RAB11FIP5: variants seen among roughly 807,000 people sequenced by gnomAD.
RAB11FIP5 encodes rab11 family-interacting protein 5.
Under a neutral mutation model 85.1 loss-of-function variants are expected in RAB11FIP5, and 48 were observed. The ratio of observed to expected loss-of-function variants is 0.56; its 90% CI spans 0.45 to 0.72. RAB11FIP5 has a LOEUF of 0.72. RAB11FIP5 is among the 30% of genes least tolerant of loss of function. The pLI, the probability that RAB11FIP5 is intolerant of heterozygous loss-of-function variation, is 0.00. For missense variants in RAB11FIP5, 1,491 were observed against 1,687.0 expected, an observed-to-expected ratio of 0.88 and a Z score of 2.04; for synonymous variants, 729 against 727.3, an observed-to-expected ratio of 1.00 and a Z score of -0.04.
chr2:73,081,651 A>T lies in RAB11FIP5; in HGVS notation c.1581T>A (p.Ser527=). 1 of 1,231,884 alleles carries T rather than the reference A, an allele frequency of 8.1e-7. No individual in the cohort carries two copies. The highest frequency in any genetic ancestry group is 1.0e-6 in the Non-Finnish European group (1 of 987,704). The allele number at this position is 1,231,884 out of a possible 1,614,324, so 76.3% of individuals were successfully genotyped here. A position where few individuals can be genotyped will look rare whatever the true frequency, so the allele number is the denominator to read the frequency against. ...CAGCTGGGTCAGATTCTACCTGAGG[A>T]GACACGTCCAGGCTGTGGAGGGAGA... The part of the protein sequence containing the change: ...DPTQKPSLDV[S]PQVESDPAAL... Residue 527 remains serine, a synonymous_variant, in exon 4 of 6, where the codon TCT becomes TCA. Coordinates refer to ENST00000486777, the MANE Select transcript of RAB11FIP5 (RefSeq NM_001371272.1). This position sits in a 1 kb window ranked among gnomAD's most constrained non-coding sequence, Gnocchi z 4.2.
At chr2:73,087,920 C>T (rs1684119267) in intron 3 of RAB11FIP5, 130 bp downstream of exon 3, 3 of 905,430 alleles carry the variant, frequency 3.3e-6, no homozygotes, top group Non-Finnish European at 5.0e-6. Context: ...CCCACTAAAC[C>T]ATGCAAAGCC....
At chr2:73,076,660 T>TTAG (rs1371932041) in intron 4 of RAB11FIP5, among the ~76,000 whole-genome samples, 1 of 152,206 alleles carries the variant, frequency 6.6e-6, no homozygotes, top group Non-Finnish European at 1.5e-5. Flanking sequence ...ACTGGGACAC[T>TTAG]TGGTCAACCA....
chr2:73,109,093 C>G (rs186682591), intron 1 of RAB11FIP5, among the ~76,000 whole-genome samples: 1 of 152,198 alleles, frequency 6.6e-6, no homozygotes, highest in African/African-American at 2.4e-5. Context: ...GAAAATAAAT[C>G]GCAGAGAAGC....
chr2:73,109,074 T>C (rs1268614945), intron 1 of RAB11FIP5, among the ~76,000 whole-genome samples: 2 of 151,850 alleles, frequency 1.3e-5, no homozygotes. Flanking sequence ...ATGTTGAAGA[T>C]AAAAACCAGA....
rs865894790 is a variant in RAB11FIP5 at position 73,079,989 on chromosome 2, G to A, written c.3243C>T (p.Ser1081=). 9.7e-6 allele frequency: 12 copies of A among 1,232,102 alleles called. No homozygotes were observed. The African/African-American group carries it at 1.7e-4, about 18-fold the overall frequency. The allele number at this position is 1,232,102 out of a possible 1,614,324, so 76.3% of individuals were successfully genotyped here. ...TAGAAGATTCCCTCGACCCTGGCGG[G>A]GATGCAGATGAGAGGCTGGGAGGAT... The part of the protein sequence containing the change: ...SRDPPSLSSA[S]PPGSRESSIH... The change falls in exon 4 of 6, where the codon TCC becomes TCT. Residue 1081 remains serine (S), a synonymous_variant. Coordinates refer to ENST00000486777, the MANE Select transcript of RAB11FIP5 (RefSeq NM_001371272.1).
chr2:73,110,081 C>T (rs1290990139), intron 1 of RAB11FIP5, among the ~76,000 whole-genome samples: 1 of 152,234 alleles, frequency 6.6e-6, no homozygotes, highest in African/African-American at 2.4e-5. Context: ...TCTGTAGCCC[C>T]TTCCTAACCA....
chr2:73,110,052 G>C (rs2106127151), intron 1 of RAB11FIP5, among the ~76,000 whole-genome samples: 1 of 152,304 alleles, frequency 6.6e-6, no homozygotes, highest in East Asian at 1.9e-4. Context: ...TTTTGGGACT[G>C]GGATCTGTCC....
intron 1 of RAB11FIP5, among the ~76,000 whole-genome samples, chr2:73,091,955 C>T (rs562952694): frequency 6.0e-5 from 9 of 150,392 alleles, no homozygotes; most frequent in Non-Finnish European, 8.8e-5. Context: ...TCATAAGGCA[C>T]GGGCAGAAGT....
chr2:73,103,234 T>G (rs1174284986), intron 1 of RAB11FIP5, among the ~76,000 whole-genome samples: 1 of 152,190 alleles, frequency 6.6e-6, no homozygotes, highest in Non-Finnish European at 1.5e-5. Flanking sequence ...TCTGGCACCA[T>G]GCCTGGCACC....
At position 73,080,673 on chromosome 2, in the gene RAB11FIP5, T is replaced by C; in HGVS notation, c.2559A>G (p.Gly853=). The C allele has an allele frequency of 8.1e-7, 1 of 1,232,396 alleles. No individual in the cohort carries two copies. The highest frequency in any genetic ancestry group is 1.0e-6 in the Non-Finnish European group (1 of 988,052). 76.3% of individuals were successfully genotyped at this position (1,232,396 alleles called of 1,614,324 possible). The change falls in exon 4 of 6, where the codon GGA becomes GGG. Residue 853 remains glycine (G), a synonymous_variant. Coordinates refer to ENST00000486777, the MANE Select transcript of RAB11FIP5 (RefSeq NM_001371272.1). ...AAETASLVFR[G]ESDEPAPQVQ... is the part of the protein sequence containing the mutation. ...CCTGGGGAGCAGGCTCATCAGACTC[T>C]CCCCGAAAGACTAGTGAGGCTGTCT...
At position 73,112,472 on chromosome 2, in the gene RAB11FIP5, G is replaced by A. The variant is rs755850240; in HGVS notation, c.306C>T (p.Ser102=). ...TGAGCACCAGCTCGCAGGCGGCGGC[G>A]GAGCTCGCGGCCCAGGGCGCCGGGC... is the stretch of plus-strand genomic sequence containing the variant. ...DAGPAPWAAS[S]AAACELVLTT... The change falls in exon 1 of 6, where the codon TCC becomes TCT. Residue 102 remains serine, a synonymous_variant. Transcript: ENST00000486777. The A allele has an allele frequency of 1.4e-5, 20 of 1,476,674 alleles. No individual in the cohort carries two copies. In the Middle Eastern group the frequency reaches 7.2e-4, roughly 53 times the overall value. 91.5% of individuals were successfully genotyped at this position (1,476,674 alleles called of 1,614,324 possible).
intron 1 of RAB11FIP5, among the ~76,000 whole-genome samples, chr2:73,101,513 T>C (rs375007691): frequency 6.6e-6 from 1 of 152,128 alleles, no homozygotes; most frequent in Non-Finnish European, 1.5e-5. Flanking sequence ...CCCAAATCTG[T>C]TGGAGTGGGC....
chr2:73,089,039 G>T lies in RAB11FIP5; in HGVS notation c.708C>A (p.Leu236=). Reference sequence around the variant, plus strand: ...GGGACGACTTGCGCAGCTTGTTGCGGAGGAAGAAGCCTTTGGCTTTGCCCA... The same window carrying T: ...GGGACGACTTGCGCAGCTTGTTGCGTAGGAAGAAGCCTTTGGCTTTGCCCA... ...GKMGKAKGFF[L]RNKLRKSSLT... is the part of the protein sequence containing the mutation. The change falls in exon 2 of 6, where the codon CTC becomes CTA. Residue 236 remains leucine, a synonymous_variant. Coordinates refer to ENST00000486777, the MANE Select transcript of RAB11FIP5 (RefSeq NM_001371272.1). The surrounding 1 kb of genome is among the most constrained non-coding windows in gnomAD (Gnocchi z 4.6). The T allele has an allele frequency of 1.2e-6, 2 of 1,614,220 alleles. No homozygotes were observed. Among genetic ancestry groups the T allele is most frequent in the Non-Finnish European group, 1.7e-6 (2 of 1,180,030 alleles).
At chr2:73,109,977 A>T (rs1336448123) in intron 1 of RAB11FIP5, among the ~76,000 whole-genome samples, 1 of 152,216 alleles carries the variant, frequency 6.6e-6, no homozygotes, top group African/African-American at 2.4e-5. Context: ...GGTATAAATT[A>T]TCTCCATTTT....
chr2:73,090,186 G>A (rs868283239), intron 1 of RAB11FIP5, among the ~76,000 whole-genome samples: 23 of 152,138 alleles, frequency 1.5e-4, no homozygotes, highest in African/African-American at 4.8e-4. Flanking sequence ...GAGACTCAGA[G>A]CCAGGTGTCC....
chr2:73,106,499 T>A (rs1389053188), intron 1 of RAB11FIP5, among the ~76,000 whole-genome samples: 4 of 152,018 alleles, frequency 2.6e-5, no homozygotes, highest in Non-Finnish European at 5.9e-5. Context: ...CCCTTTGGAA[T>A]CTCTCCCCCA....
chr2:73,076,688 C>T (rs2106100275), intron 4 of RAB11FIP5, among the ~76,000 whole-genome samples: 1 of 152,312 alleles, frequency 6.6e-6, no homozygotes, highest in East Asian at 1.9e-4. Flanking sequence ...CTAGGGGTTG[C>T]TTCCCATCAG....
chr2:73,102,580 C>G (rs1359044635), intron 1 of RAB11FIP5, among the ~76,000 whole-genome samples: 1 of 152,070 alleles, frequency 6.6e-6, no homozygotes, highest in African/African-American at 2.4e-5. Flanking sequence ...CTTTTTCGCC[C>G]CCTGCGGCAG....
chr2:73,091,103 A>G (rs1242195909), intron 1 of RAB11FIP5, among the ~76,000 whole-genome samples: 1 of 152,218 alleles, frequency 6.6e-6, no homozygotes, highest in African/African-American at 2.4e-5. Flanking sequence ...AAAGGAAGAA[A>G]CTATGAAGGA....
Sources: gnomAD v4.1 joint callset for allele counts (sites outside exome capture counted in the v4.1 genomes callset) on GRCh38, gnomAD v4.1.1 for gene constraint, Gnocchi (gnomAD v3.1) non-coding constraint, MANE v1.5 for transcripts, NCBI Gene and HGNC (gene_info 2026-07-23, HGNC 2026-07-21) for gene names.